Variants in EBF3 observed in about 807,000 individuals in gnomAD.
EBF3 encodes the protein transcription factor COE3.
Under a neutral mutation model 77.1 loss-of-function variants are expected in EBF3, and 18 were observed. The observed-to-expected ratio is 0.23, with a 90% CI of 0.16 to 0.35. The LOEUF (loss-of-function observed/expected upper bound fraction) is 0.35. Among genes scored for constraint, EBF3 ranks in the 10% least tolerant of loss-of-function variants. The pLI is 1.00. For missense variants in EBF3, 558 were observed against 860.0 expected, an observed-to-expected ratio of 0.65 and a Z score of 4.39; for synonymous variants, 350 against 343.5, an observed-to-expected ratio of 1.02 and a Z score of -0.21.
At position 129,861,720 on chromosome 10, in the gene EBF3, G is replaced by A. The variant is rs537009495; in HGVS notation, c.1039+5421C>T. Reference sequence around the variant, plus strand: ...CACGGGATGATGAGAGTCACTGACAGAATTGAGCCAAAGATTCCCCAAACT... The same window carrying A: ...CACGGGATGATGAGAGTCACTGACAAAATTGAGCCAAAGATTCCCCAAACT... On this transcript the variant is annotated intron_variant, in intron 10 of 16. Coordinates refer to ENST00000440978, the MANE Select transcript of EBF3 (RefSeq NM_001375380.1). This position sits in a 1 kb window ranked among gnomAD's most constrained non-coding sequence, Gnocchi z 4.3. 3.3e-5 allele frequency among the ~76,000 whole-genome samples: 5 copies of A among 152,320 alleles called. No individual in the cohort carries two copies. Among genetic ancestry groups the A allele is most frequent in the African/African-American group, 1.2e-4 (5 of 41,568 alleles).
At chr10:129,895,961 A>G (rs1589809090) in intron 6 of EBF3, among the ~76,000 whole-genome samples, 1 of 152,220 alleles carries the variant, frequency 6.6e-6, no homozygotes, top group Non-Finnish European at 1.5e-5. Context: ...TGTAATTAGG[A>G]AGAAATGCTG....
At chr10:129,958,788 C>T (rs1159343010) in intron 5 of EBF3, 146 bp downstream of exon 5, 4 of 1,116,322 alleles carry the variant, frequency 3.6e-6, no homozygotes, top group African/African-American at 3.3e-5. Context: ...CTCCGCGGCC[C>T]GGCGCGCGGC....
chr10:129,928,694 C>T (rs1415617289), intron 6 of EBF3, among the ~76,000 whole-genome samples: 1 of 152,218 alleles, frequency 6.6e-6, no homozygotes, highest in Non-Finnish European at 1.5e-5. Flanking sequence ...GACATTTTGG[C>T]AATTGCTTCC....
intron 7 of EBF3, 139 bp from the exon 8 acceptor site, chr10:129,873,735 G>A (rs1489418311): frequency 5.3e-6 from 5 of 940,214 alleles, no homozygotes; most frequent in African/African-American, 1.7e-5. Flanking sequence ...ATCGATGTGC[G>A]TTCACAGCTT....
intron 6 of EBF3, among the ~76,000 whole-genome samples, chr10:129,881,022 T>C (rs951016179): frequency 6.6e-6 from 1 of 152,218 alleles, no homozygotes; most frequent in Non-Finnish European, 1.5e-5. Flanking sequence ...ATTCTCATCC[T>C]TTACTCAATT....
chr10:129,946,319 A>C (rs1251167146), intron 6 of EBF3, among the ~76,000 whole-genome samples: 1 of 152,216 alleles, frequency 6.6e-6, no homozygotes, highest in Non-Finnish European at 1.5e-5. Flanking sequence ...AAATGGGAAC[A>C]AATGTGTTTG....
At chr10:129,951,017 AT>A in intron 6 of EBF3, among the ~76,000 whole-genome samples, 1 of 152,186 alleles carries the variant, frequency 6.6e-6, no homozygotes, top group Non-Finnish European at 1.5e-5. Context: ...CACTGTTTGA[AT>A]TCTGATAAAT....
rs1346815743 is a variant in EBF3 at position 129,836,546 on chromosome 10, A to ATAACT, written c.*1392_*1396dup. The stretch of plus-strand genomic sequence containing the variant: ...TTTTTTTTCAAAAGTATTTGTTCAG[A>ATAACT]TAACTTAAAAATAATATAAAAATAA... On this transcript the variant is annotated 3_prime_UTR_variant, in exon 17 of 17. Coordinates refer to ENST00000440978, the MANE Select transcript of EBF3 (RefSeq NM_001375380.1). 1.3e-5 allele frequency: 2 copies of ATAACT among 152,578 alleles called. No homozygotes were observed. Among genetic ancestry groups the ATAACT allele is most frequent in the Non-Finnish European group, 2.9e-5 (2 of 68,034 alleles). The allele number at this position is 152,578 out of a possible 1,614,324, so 9.5% of individuals were successfully genotyped here.
At chr10:129,846,022 T>C (rs1033941903) in intron 11 of EBF3, 16 of 151,890 alleles carry the variant, frequency 1.1e-4, no homozygotes, top group African/African-American at 3.6e-4. Flanking sequence ...CTTTAGTCTC[T>C]GATCACTTAG....
chr10:129,867,011 A>T, intron 10 of EBF3, 130 bp downstream of exon 10: 1 of 1,326,372 alleles, frequency 7.5e-7, no homozygotes, highest in Non-Finnish European at 9.9e-7. Context: ...CCCACAGGCC[A>T]AGGGGGCTTT....
At chr10:129,927,390 T>C (rs536287457) in intron 6 of EBF3, among the ~76,000 whole-genome samples, 89 of 152,372 alleles carry the variant, frequency 5.8e-4, no homozygotes, top group African/African-American at 2.1e-3. Context: ...AAGATCTATA[T>C]ACCATCTTCA....
Position 129,915,538 on chromosome 10 carries a change from C to T in EBF3, c.555-37689G>A, listed in dbSNP as rs528768575. Among the ~76,000 whole-genome samples, 297 of 151,596 alleles carry T rather than the reference C, an allele frequency of 2.0e-3. 1 individual carries two copies. The highest frequency in any genetic ancestry group is 2.8e-3 in the Non-Finnish European group (191 of 67,964). On this transcript the variant is annotated intron_variant, in intron 6 of 16. Coordinates refer to ENST00000440978, the MANE Select transcript of EBF3 (RefSeq NM_001375380.1). ...AGTTGGGTGTTGCTACGAAGTGAGTCGGGGAGCCCATTCTTGCGGGGTGTG... is the reference window on the plus strand; with the variant it reads ...AGTTGGGTGTTGCTACGAAGTGAGTTGGGGAGCCCATTCTTGCGGGGTGTG...
chr10:129,954,975 C>G (rs753348054), intron 6 of EBF3, among the ~76,000 whole-genome samples: 1 of 152,084 alleles, frequency 6.6e-6, no homozygotes, highest in Non-Finnish European at 1.5e-5. Context: ...TTGCAAAAGA[C>G]GGTGTCAGTC....
rs1389736126 is a variant in EBF3, at chr10:129,947,793, G to A, written c.554+9465C>T. 1.3e-5 allele frequency among the ~76,000 whole-genome samples: 2 copies of A among 151,688 alleles called. No individual in the cohort carries two copies. Among genetic ancestry groups the A allele is most frequent in the African/African-American group, 4.8e-5 (2 of 41,240 alleles). ...ATGACCTGCTACCTTGACAAGCTCAGGAGTGAAGGATTTCACTTCTAAAAC... is the reference window on the plus strand; with the variant it reads ...ATGACCTGCTACCTTGACAAGCTCAAGAGTGAAGGATTTCACTTCTAAAAC... On this transcript the variant is annotated intron_variant, in intron 6 of 16. Transcript: ENST00000440978. This position sits in a 1 kb window ranked among gnomAD's most constrained non-coding sequence, Gnocchi z 4.5.
chr10:129,903,751 C>T (rs1356658613), intron 6 of EBF3, among the ~76,000 whole-genome samples: 1 of 152,190 alleles, frequency 6.6e-6, no homozygotes, highest in African/African-American at 2.4e-5. Flanking sequence ...CACTTTCTTG[C>T]TGTCATGGGG....
At chr10:129,962,480 G>A (rs1227612717) in intron 3 of EBF3, among the ~76,000 whole-genome samples, 3 of 152,020 alleles carry the variant, frequency 2.0e-5, no homozygotes, top group African/African-American at 7.3e-5. Context: ...GTGGAGAGCA[G>A]GCCTGGTAGC....
In EBF3 at chr10:129,963,991, G is replaced by A; in HGVS notation, c.-223C>T. 9.8e-7 allele frequency: 1 copy of A among 1,017,164 alleles called. No individual in the cohort carries two copies. Among genetic ancestry groups the A allele is most frequent in the Non-Finnish European group, 1.2e-6 (1 of 852,288 alleles). The allele number at this position is 1,017,164 out of a possible 1,614,324, so 63.0% of individuals were successfully genotyped here. On this transcript the variant is annotated 5_prime_UTR_variant, in exon 1 of 17. Coordinates refer to ENST00000440978, the MANE Select transcript of EBF3 (RefSeq NM_001375380.1). This position sits in a 1 kb window ranked among gnomAD's most constrained non-coding sequence, Gnocchi z 7.1. ...CGCGGAGGCGGCTCCACCGGCGGCG[G>A]CGGCGCTTCGAAGGAGCAGGACGCG...
Position 129,870,999 on chromosome 10 carries a change from C to T in EBF3, c.781+2453G>A, listed in dbSNP as rs1396882312. ...CCTGCTAAAATGTCTTGTAATTGTG[C>T]TTGGGATGTCCAGATGGCTGGCTGA... On this transcript the variant is annotated intron_variant, in intron 8 of 16. Transcript: ENST00000440978. This position sits in a 1 kb window ranked among gnomAD's most constrained non-coding sequence, Gnocchi z 4.4. Among the ~76,000 whole-genome samples, 1 of 152,202 alleles carries T rather than the reference C, an allele frequency of 6.6e-6. No homozygotes were observed. The highest frequency in any genetic ancestry group is 1.5e-5 in the Non-Finnish European group (1 of 68,036).
At chr10:129,895,558 T>C (rs1564866013) in intron 6 of EBF3, among the ~76,000 whole-genome samples, 1 of 152,238 alleles carries the variant, frequency 6.6e-6, no homozygotes, top group Non-Finnish European at 1.5e-5. Context: ...AGTATCAGTA[T>C]GTCATCAGGG....
Sources: gnomAD v4.1 joint callset for allele counts (sites outside exome capture counted in the v4.1 genomes callset) on GRCh38, gnomAD v4.1.1 for gene constraint, Gnocchi (gnomAD v3.1) non-coding constraint, MANE v1.5 for transcripts, NCBI Gene and HGNC (gene_info 2026-07-23, HGNC 2026-07-21) for gene names.